EDRF1: variants seen among roughly 807,000 people sequenced by gnomAD.
EDRF1 encodes erythroid differentiation-related factor 1.
In EDRF1, 69 loss-of-function variants were observed where a neutral mutation model predicts 148.7. The ratio of observed to expected loss-of-function variants is 0.46; its 90% CI spans 0.38 to 0.57. The LOEUF is 0.57. Among genes scored for constraint, EDRF1 ranks in the 20% least tolerant of loss-of-function variants. The pLI is 0.00. For synonymous variants in EDRF1, 515 were observed against 532.8 expected, an observed-to-expected ratio of 0.97 and a Z score of 0.46; for missense variants, 1,118 against 1,478.7, an observed-to-expected ratio of 0.76 and a Z score of 4.00.
At chr10:125,747,453 G>A (rs1373266187) in intron 19 of EDRF1, 83 bp from the exon 20 acceptor site, 1 of 1,421,430 alleles carries the variant, frequency 7.0e-7, no homozygotes, top group Non-Finnish European at 9.9e-7. Context: ...CATCTGGGTA[G>A]TTGTGAAGTG....
chr10:125,750,496 A>C (rs909910838), intron 22 of EDRF1: 2 of 152,240 alleles, frequency 1.3e-5, no homozygotes, highest in Non-Finnish European at 2.9e-5. Flanking sequence ...GTGGTAAAGA[A>C]ACAAGAAACA....
intron 23 of EDRF1, 126 bp downstream of exon 23, chr10:125,753,040 A>T: frequency 1.4e-6 from 1 of 698,660 alleles, no homozygotes; most frequent in African/African-American, 1.8e-5. Flanking sequence ...TATGCTATGC[A>T]CTAAAACATT....
chr10:125,725,565 ATTTC>A, intron 5 of EDRF1, 113 bp from the exon 6 acceptor site: 2 of 1,566,908 alleles, frequency 1.3e-6, no homozygotes, highest in Non-Finnish European at 1.7e-6. Context: ...TTTGTTTCAT[ATTTC>A]TTTTTTACAA....
At chr10:125,748,732 T>TC (rs1471385889) in intron 21 of EDRF1, 1 of 156,478 alleles carries the variant, frequency 6.4e-6, no homozygotes, top group African/African-American at 2.4e-5. Context: ...AGACAGGGTC[T>TC]CACTCTGTTG....
intron 1 of EDRF1, among the ~76,000 whole-genome samples, chr10:125,720,337 G>T (rs1482073441): frequency 6.6e-6 from 1 of 152,160 alleles, no homozygotes; most frequent in Non-Finnish European, 1.5e-5. Context: ...TTGGGAGTGT[G>T]CAAGTGCAGG....
intron 22 of EDRF1, 68 bp downstream of exon 22, chr10:125,749,633 G>A: frequency 6.4e-7 from 1 of 1,557,276 alleles, no homozygotes; most frequent in Non-Finnish European, 8.8e-7. Flanking sequence ...TTAGAGTAAG[G>A]CAGGCCTGTG....
rs1386819793 is a variant in EDRF1, at chr10:125,749,455, A to C, written c.3167A>C (p.Asp1056Ala). 6.2e-7 allele frequency: 1 copy of C among 1,614,104 alleles called. No homozygotes were observed. The highest frequency in any genetic ancestry group is 8.5e-7 in the Non-Finnish European group (1 of 1,180,042). The change falls in exon 22 of 25, where the codon GAT (aspartate) becomes GCT (alanine). Residue 1056 changes from aspartate to alanine, a missense_variant. Physicochemically the swap from Asp to Ala is moderately radical, Grantham distance 126. This residue lies in a region of EDRF1 where 954 missense variants were observed against 1,241.4 expected (regional missense o/e 0.77). Transcript: ENST00000356792. The part of the protein sequence containing the change: ...HLRKQHRVLA[D>A]LHYSKAAKLF... Reference sequence around the variant, plus strand: ...AGGAAACAACACCGGGTGCTGGCAGATCTTCATTACAGCAAGGCCGCAAAG... The same window carrying C: ...AGGAAACAACACCGGGTGCTGGCAGCTCTTCATTACAGCAAGGCCGCAAAG...
At chr10:125,748,195 T>TGGGACA in intron 21 of EDRF1, 183 bp downstream of exon 21, 1 of 712,816 alleles carries the variant, frequency 1.4e-6, no homozygotes, top group East Asian at 2.7e-5. Flanking sequence ...TATGTCCGCA[T>TGGGACA]TGTGCTCCAT....
rs267602408 is a variant in EDRF1 at position 125,735,723 on chromosome 10, C to G, written c.1577C>G (p.Pro526Arg). The change falls in exon 13 of 25, where the codon CCT (proline) becomes CGT (arginine). Residue 526 changes from proline to arginine, a missense_variant. Coordinates refer to ENST00000356792, the MANE Select transcript of EDRF1 (RefSeq NM_001202438.2). Reference protein sequence around the residue: ...EPKKEENSESPLNENSDESYS... With the variant: ...EPKKEENSESRLNENSDESYS... ...AAAAAGGAAGAAAATTCAGAATCTC[C>G]TTTAAATGAGAATTCTGATGAAAGT... 6.2e-7 allele frequency: 1 copy of G among 1,613,498 alleles called. No individual in the cohort carries two copies. Among genetic ancestry groups the G allele is most frequent in the Non-Finnish European group, 8.5e-7 (1 of 1,179,626 alleles).
In EDRF1 at chr10:125,723,857, G is replaced by A; in HGVS notation, c.431G>A (p.Ser144Asn). The change falls in exon 4 of 25, where the codon AGC (serine) becomes AAC (asparagine). Residue 144 changes from serine (S) to asparagine (N), a missense_variant. Ser to Asn is a conservative substitution (Grantham distance 46, BLOSUM62 1). Transcript: ENST00000356792. Reference sequence around the variant, plus strand: ...ATTCCCTACAGCAAGTCGCACGTGAGCATGGCAGTACACCGCATAGGAAGG... The same window carrying A: ...ATTCCCTACAGCAAGTCGCACGTGAACATGGCAGTACACCGCATAGGAAGG... The part of the protein sequence containing the change: ...LKIPYSKSHV[S>N]MAVHRIGRTL... The A allele has an allele frequency of 6.2e-7, 1 of 1,613,640 alleles. No individual in the cohort carries two copies. The highest frequency in any genetic ancestry group is 8.5e-7 in the Non-Finnish European group (1 of 1,179,732).
chr10:125,747,773 T>C, intron 20 of EDRF1, 79 bp downstream of exon 20: 2 of 1,610,754 alleles, frequency 1.2e-6, no homozygotes, highest in South Asian at 2.2e-5. Flanking sequence ...TCTGTTGTCT[T>C]TTCCCTAATA....
rs1388716596 is a variant in EDRF1 at position 125,745,744 on chromosome 10, GA to G, written c.2635del (p.Ser879AlafsTer46). 1.2e-6 allele frequency: 2 copies of G among 1,614,050 alleles called. No homozygotes were observed. Among genetic ancestry groups the G allele is most frequent in the African/African-American group, 2.7e-5 (2 of 74,930 alleles). ...SVSAAEQQLW[K>X]KSFSCFEKGI... ...TGTCTGCTGCCGAGCAACAGTTGTGGAAAAAAAGCTTTTCTTGTTTTGAAAA... is the reference window on the plus strand; with the variant it reads ...TGTCTGCTGCCGAGCAACAGTTGTGGAAAAAAGCTTTTCTTGTTTTGAAAA... On this transcript the variant is annotated frameshift_variant, in exon 19 of 25. Transcript: ENST00000356792. LOFTEE classifies it high-confidence loss of function.
chr10:125,747,259 A>G (rs368551276), intron 19 of EDRF1: 277 of 424,158 alleles, frequency 6.5e-4, no homozygotes, highest in Non-Finnish European at 1.0e-3. Flanking sequence ...CAAGTGCATC[A>G]TCATGCTCAG....
intron 19 of EDRF1, among the ~76,000 whole-genome samples, 166 bp downstream of exon 19, chr10:125,746,096 A>G (rs763247345): frequency 6.6e-6 from 1 of 152,232 alleles, no homozygotes; most frequent in African/African-American, 2.4e-5. Flanking sequence ...TAAGACTAGT[A>G]AGAATTGAGT....
chr10:125,723,873 C>T lies in EDRF1; in HGVS notation c.447C>T (p.Arg149=). Residue 149 remains arginine, a synonymous_variant, in exon 4 of 25, where the codon CGC becomes CGT. Coordinates refer to ENST00000356792, the MANE Select transcript of EDRF1 (RefSeq NM_001202438.2). ...CGCACGTGAGCATGGCAGTACACCGCATAGGAAGGACTCTCTTACTAGATG... is the reference window on the plus strand; with the variant it reads ...CGCACGTGAGCATGGCAGTACACCGTATAGGAAGGACTCTCTTACTAGATG... ...SKSHVSMAVH[R]IGRTLLLDEL... 1 of 1,613,508 alleles carries T rather than the reference C, an allele frequency of 6.2e-7. No homozygotes were observed. Among genetic ancestry groups the T allele is most frequent in the Non-Finnish European group, 8.5e-7 (1 of 1,179,644 alleles).
rs1849134485 is a variant in EDRF1, at chr10:125,743,403, C to T, written c.2590+127C>T. 6 of 733,416 alleles carry T rather than the reference C, an allele frequency of 8.2e-6. No individual in the cohort carries two copies. The South Asian group carries it at 9.4e-5, about 11-fold the overall frequency. The allele number at this position is 733,416 out of a possible 1,614,324, so 45.4% of individuals were successfully genotyped here. A position where few individuals can be genotyped will look rare whatever the true frequency, so the allele number is the denominator to read the frequency against. On this transcript the variant is annotated intron_variant, in intron 18 of 24. Transcript: ENST00000356792. ...ATAAAGAGGTGCTCTATTAGAGAAC[C>T]TCTTATTATTCTTAAGAAATAGAAT...
In EDRF1 at chr10:125,733,619, T is replaced by C. The variant is rs761158871; in HGVS notation, c.1277-16T>C. ...GTAACTGCTGTGAAATGAGTCTTCT[T>C]TGTTTTTCTTTTCAGCAAGTGGCAG... On this transcript the variant is annotated splice_polypyrimidine_tract_variant and intron_variant, in intron 10 of 24. Transcript: ENST00000356792. 3 of 1,612,752 alleles carry C rather than the reference T, an allele frequency of 1.9e-6. No homozygotes were observed. In the South Asian group the frequency reaches 3.3e-5, roughly 18 times the overall value.
At chr10:125,736,183 C>T (rs1848720522) in intron 13 of EDRF1, among the ~76,000 whole-genome samples, 1 of 152,120 alleles carries the variant, frequency 6.6e-6, no homozygotes, top group Admixed American at 6.6e-5. Flanking sequence ...TAGTCATAGT[C>T]ATGTCTCATT....
rs1189702949 is a variant in EDRF1, at chr10:125,729,344, A to AT, written c.895-10dup. 6.2e-7 allele frequency: 1 copy of AT among 1,611,502 alleles called. No homozygotes were observed. The highest frequency in any genetic ancestry group is 2.2e-5 in the East Asian group (1 of 44,862). On this transcript the variant is annotated splice_polypyrimidine_tract_variant and intron_variant, in intron 7 of 24. Transcript: ENST00000356792. The stretch of plus-strand genomic sequence containing the variant: ...TTGACTGTTTATTATAATCCTCCCT[A>AT]TTTTAAATCACAGGGTCTTAAAAAT...
Sources: allele counts gnomAD v4.1 joint callset (sites outside exome capture counted in the v4.1 genomes callset), GRCh38; gene constraint gnomAD v4.1.1; regional missense constraint gnomAD v4.1.1; transcripts MANE v1.5; gene names NCBI Gene and HGNC (gene_info 2026-07-23, HGNC 2026-07-21).